The following DAB1 variants were observed in gnomAD, a reference collection of about 807,000 sequenced individuals.
DAB1 encodes disabled homolog 1.
A neutral mutation model predicts 64.6 loss-of-function variants in DAB1; 15 were observed. That is an observed-to-expected ratio of 0.23 (90% CI 0.16 to 0.36). The LOEUF (loss-of-function observed/expected upper bound fraction) is 0.36. Ranked by LOEUF, DAB1 falls within the 10% of genes least tolerant of loss-of-function variation. The pLI is 1.00. For missense variants in DAB1, 596 were observed against 706.7 expected (o/e 0.84, Z 1.78); for synonymous variants, 235 against 251.9 (o/e 0.93, Z 0.64).
At chr1:58,439,067 A>C (rs369129580) in intron 3 of DAB1, among the ~76,000 whole-genome samples, 121 of 152,194 alleles carry the variant, frequency 8.0e-4, no homozygotes, top group African/African-American at 2.9e-3. Context: ...TATCCCAAGC[A>C]GCAGAGATAT....
At position 58,385,545 on chromosome 1, in the gene DAB1, T is replaced by C. The variant is rs149652391; in HGVS notation, n.258-42142A>G. On this transcript the variant is annotated intron_variant and non_coding_transcript_variant, in intron 3 of 20. Coordinates refer to the DAB1 transcript ENST00000485760. ...TATGTTCTATCCAAAACCTAGCCTATTCCTTTCAGCTACAGGAGAATTTTA... is the reference window on the plus strand; with the variant it reads ...TATGTTCTATCCAAAACCTAGCCTACTCCTTTCAGCTACAGGAGAATTTTA... Among the ~76,000 whole-genome samples the C allele has an allele frequency of 6.2e-3, 951 of 152,354 alleles. 8 individuals are homozygous for C. Among genetic ancestry groups the C allele is most frequent in the African/African-American group, 0.022 (925 of 41,590 alleles).
chr1:58,406,953 G>C (rs961923709), intron 3 of DAB1, among the ~76,000 whole-genome samples: 1 of 152,126 alleles, frequency 6.6e-6, no homozygotes, highest in Non-Finnish European at 1.5e-5. Flanking sequence ...TTTCTAGTTG[G>C]TGACAGTGGC....
chr1:57,177,147 C>T (rs1178690893), intron 2 of DAB1, among the ~76,000 whole-genome samples: 2 of 152,052 alleles, frequency 1.3e-5, no homozygotes, highest in Admixed American at 6.6e-5. Flanking sequence ...TATCAACCAG[C>T]ACTTACCTTC....
In DAB1 at chr1:57,654,512, C is replaced by A. The variant is rs985962323; in HGVS notation, n.552-4847G>T. Among the ~76,000 whole-genome samples the A allele has an allele frequency of 7.2e-5, 11 of 152,218 alleles. No homozygotes were observed. In the South Asian group the frequency reaches 2.1e-3, roughly 29 times the overall value. On this transcript the variant is annotated intron_variant and non_coding_transcript_variant, in intron 6 of 20. Transcript: ENST00000485760. ...TATAGGGGTTTGTTATAATTATGTT[C>A]TATACTAAATTTGTTTGCTTTCAAT...
At chr1:57,626,902 G>T (rs10443241) in intron 7 of DAB1, among the ~76,000 whole-genome samples, 1 of 152,100 alleles carries the variant, frequency 6.6e-6, no homozygotes, top group Admixed American at 6.5e-5. Flanking sequence ...TGTATAAATC[G>T]TGGGGGAAAC....
chr1:57,121,476 A>G (rs1009774209), intron 4 of DAB1, among the ~76,000 whole-genome samples: 2 of 152,068 alleles, frequency 1.3e-5, no homozygotes, highest in African/African-American at 4.8e-5. Context: ...CAGCCTTGCA[A>G]AAAAGGAATT....
chr1:57,989,959 G>C (rs1359102700), intron 5 of DAB1, among the ~76,000 whole-genome samples: 2 of 152,088 alleles, frequency 1.3e-5, no homozygotes, highest in Non-Finnish European at 2.9e-5. Flanking sequence ...TGGTTGGAAA[G>C]AGGTAAATCA....
chr1:57,409,074 C>T (rs539502464), intron 1 of DAB1, among the ~76,000 whole-genome samples: 10 of 152,306 alleles, frequency 6.6e-5, no homozygotes, highest in African/African-American at 1.9e-4. Context: ...CCCACTCCCA[C>T]CATGCAGACT....
intron 6 of DAB1, among the ~76,000 whole-genome samples, chr1:57,793,683 T>C (rs1265707191): frequency 2.0e-5 from 3 of 152,226 alleles, no homozygotes; most frequent in Non-Finnish European, 4.4e-5. Context: ...ACTCCCAGTG[T>C]ATACTTGGGC....
At chr1:57,281,291 G>T in intron 2 of DAB1, among the ~76,000 whole-genome samples, 2 of 152,170 alleles carry the variant, frequency 1.3e-5, no homozygotes, top group East Asian at 3.8e-4. Flanking sequence ...ACCCACAACT[G>T]GGGGGCATGT....
intron 3 of DAB1, among the ~76,000 whole-genome samples, chr1:57,137,191 A>G (rs1658201941): frequency 6.6e-6 from 1 of 152,144 alleles, no homozygotes; most frequent in African/African-American, 2.4e-5. Context: ...TTTTTATCCA[A>G]AGATATTTTG....
chr1:58,112,117 C>T lies in DAB1; in HGVS notation n.387+38394G>A, dbSNP rs527614084. On this transcript the variant is annotated intron_variant and non_coding_transcript_variant, in intron 5 of 20. Coordinates refer to the DAB1 transcript ENST00000485760. ...CCCTCAGGCCCTCATGTCACTGTCACCCTGCAGGTTTCAGCTCAGGCATCA... is the reference window on the plus strand; with the variant it reads ...CCCTCAGGCCCTCATGTCACTGTCATCCTGCAGGTTTCAGCTCAGGCATCA... Among the ~76,000 whole-genome samples, 88 of 152,298 alleles carry T rather than the reference C, an allele frequency of 5.8e-4. 1 individual carries two copies. The highest frequency in any genetic ancestry group is 2.1e-3 in the African/African-American group (87 of 41,566).
chr1:57,745,673 AATAAAC>A (rs1327178767), intron 6 of DAB1, among the ~76,000 whole-genome samples: 1 of 152,226 alleles, frequency 6.6e-6, no homozygotes, highest in Non-Finnish European at 1.5e-5. Context: ...TGAATTATAA[AATAAAC>A]ATTCCCGAAT....
chr1:57,155,573 T>A (rs1332650751), intron 2 of DAB1, among the ~76,000 whole-genome samples: 1 of 152,032 alleles, frequency 6.6e-6, no homozygotes, highest in Admixed American at 6.6e-5. Context: ...TCTATTTCTA[T>A]GAGGAACGTT....
intron 1 of DAB1, among the ~76,000 whole-genome samples, chr1:57,350,106 C>T (rs78582443): frequency 0.014 from 2,138 of 152,284 alleles, 37 homozygotes; most frequent in African/African-American, 0.041. Flanking sequence ...TGAAAAGTTG[C>T]TCTGATCAAC....
chr1:57,666,709 T>G (rs551657469), intron 6 of DAB1, among the ~76,000 whole-genome samples: 1 of 152,274 alleles, frequency 6.6e-6, no homozygotes, highest in African/African-American at 2.4e-5. Flanking sequence ...TCTCACCATT[T>G]CTCATGCTGT....
At chr1:57,524,125 G>A (rs898418994) in intron 7 of DAB1, among the ~76,000 whole-genome samples, 1 of 151,988 alleles carries the variant, frequency 6.6e-6, no homozygotes, top group African/African-American at 2.4e-5. Flanking sequence ...AATCAACTCA[G>A]GAAACAAAGA....
chr1:57,269,651 A>T (rs1420414914), intron 2 of DAB1, among the ~76,000 whole-genome samples: 1 of 152,108 alleles, frequency 6.6e-6, no homozygotes, highest in African/African-American at 2.4e-5. Flanking sequence ...CTCCTTTCTG[A>T]ATACTCCCTC....
chr1:57,127,905 T>C (rs891884388), intron 4 of DAB1, among the ~76,000 whole-genome samples: 4 of 152,102 alleles, frequency 2.6e-5, no homozygotes, highest in African/African-American at 9.7e-5. Flanking sequence ...CCCAGCACTT[T>C]GGGAGGCCAA....
Sources: allele counts gnomAD v4.1 joint callset (sites outside exome capture counted in the v4.1 genomes callset), GRCh38; gene constraint gnomAD v4.1.1; transcripts MANE v1.5; gene names NCBI Gene and HGNC (gene_info 2026-07-23, HGNC 2026-07-21).